Variants in HS6ST3 observed in about 807,000 individuals in gnomAD.
HS6ST3 encodes the protein heparan-sulfate 6-O-sulfotransferase 3.
In HS6ST3, 12 loss-of-function variants were observed where a neutral mutation model predicts 36.7. The ratio of observed to expected loss-of-function variants is 0.33; its 90% CI spans 0.21 to 0.53. The LOEUF is 0.53. Ranked by LOEUF, HS6ST3 falls within the 20% of genes least tolerant of loss-of-function variation. The probability of loss-of-function intolerance (pLI) is 0.95; values close to 1 mark genes in which losing one functional copy is unlikely to be tolerated. For missense variants in HS6ST3, 584 were observed against 640.9 expected, an observed-to-expected ratio of 0.91 and a Z score of 0.96; for synonymous variants, 240 against 257.5, an observed-to-expected ratio of 0.93 and a Z score of 0.65.
chr13:96,816,467 C>G (rs1239957784), intron 1 of HS6ST3, among the ~76,000 whole-genome samples: 1 of 152,220 alleles, frequency 6.6e-6, no homozygotes. Flanking sequence ...GAACATGTCT[C>G]TTGGGAGCCT....
intron 1 of HS6ST3, among the ~76,000 whole-genome samples, chr13:96,665,966 C>T (rs1029861436): frequency 3.4e-4 from 52 of 151,962 alleles, no homozygotes; most frequent in Admixed American, 8.5e-4. Flanking sequence ...TACCATGATA[C>T]GAATACATAG....
At chr13:96,731,685 G>A (rs1876158164) in intron 1 of HS6ST3, among the ~76,000 whole-genome samples, 1 of 151,664 alleles carries the variant, frequency 6.6e-6, no homozygotes, top group South Asian at 2.1e-4. Flanking sequence ...TTGAGATGGG[G>A]TCTTGCTCTG....
rs531281009 is a variant in HS6ST3 at position 96,318,683 on chromosome 13, A to G, written c.707+227114A>G. ...ATTACTTGTTTTTTTTGGCCTTGTC[A>G]AAGATCAGATGGTTGTAAATGTGTG... On this transcript the variant is annotated intron_variant, in intron 1 of 1. Transcript: ENST00000376705. Among the ~76,000 whole-genome samples the G allele has an allele frequency of 3.9e-5, 6 of 152,114 alleles. No individual in the cohort carries two copies. The South Asian group carries it at 1.2e-3, about 32-fold the overall frequency.
intron 1 of HS6ST3, among the ~76,000 whole-genome samples, chr13:96,190,674 A>G (rs1402013669): frequency 6.6e-6 from 1 of 152,206 alleles, no homozygotes; most frequent in African/African-American, 2.4e-5. Flanking sequence ...CTAAGCAGGT[A>G]CCAAATAATA....
intron 1 of HS6ST3, among the ~76,000 whole-genome samples, chr13:96,387,639 T>C (rs181406073): frequency 1.8e-4 from 28 of 152,350 alleles, no homozygotes; most frequent in Admixed American, 1.7e-3. Flanking sequence ...TGTACTTCAT[T>C]ATTCTATACT....
At chr13:96,142,389 A>T (rs1221732449) in intron 1 of HS6ST3, among the ~76,000 whole-genome samples, 1 of 152,196 alleles carries the variant, frequency 6.6e-6, no homozygotes, top group Non-Finnish European at 1.5e-5. Flanking sequence ...TTTCCCAAAG[A>T]ACTAACAATT....
rs145370151 is a variant in HS6ST3, at chr13:96,354,954, T to C, written c.707+263385T>C. Among the ~76,000 whole-genome samples, 440 of 152,206 alleles carry C rather than the reference T, an allele frequency of 2.9e-3. 1 individual carries two copies. Among genetic ancestry groups the C allele is most frequent in the African/African-American group, 0.01 (419 of 41,540 alleles). On this transcript the variant is annotated intron_variant, in intron 1 of 1. Coordinates refer to ENST00000376705, the MANE Select transcript of HS6ST3 (RefSeq NM_153456.4). ...TAAATTATATTTCCCATAGAAAATA[T>C]CAAAATCCACTTAAAATGAAATTCC... is the stretch of plus-strand genomic sequence containing the variant.
At chr13:96,215,064 G>A (rs1177156685) in intron 1 of HS6ST3, among the ~76,000 whole-genome samples, 1 of 152,154 alleles carries the variant, frequency 6.6e-6, no homozygotes, top group Non-Finnish European at 1.5e-5. Flanking sequence ...AACCACAGGG[G>A]TGTTTAGAAA....
At chr13:96,612,367 T>C (rs2056459855) in intron 1 of HS6ST3, among the ~76,000 whole-genome samples, 1 of 152,088 alleles carries the variant, frequency 6.6e-6, no homozygotes, top group East Asian at 1.9e-4. Context: ...GTAGCTTCTA[T>C]GTCTTCACCA....
chr13:96,662,571 C>A (rs2056650228), intron 1 of HS6ST3, among the ~76,000 whole-genome samples: 1 of 150,630 alleles, frequency 6.6e-6, no homozygotes, highest in Admixed American at 6.7e-5. Flanking sequence ...TCTCTTGGAT[C>A]TCATTGAACT....
chr13:96,372,843 T>C (rs1254284627), intron 1 of HS6ST3, among the ~76,000 whole-genome samples: 1 of 152,212 alleles, frequency 6.6e-6, no homozygotes. Flanking sequence ...AAATTTCATT[T>C]ATTGTGCTCT....
At chr13:96,211,960 G>C (rs183566745) in intron 1 of HS6ST3, among the ~76,000 whole-genome samples, 2 of 152,282 alleles carry the variant, frequency 1.3e-5, no homozygotes, top group East Asian at 3.9e-4. Flanking sequence ...TCTTGCCATC[G>C]TAGAGCACAC....
At chr13:96,171,459 T>G (rs2054187347) in intron 1 of HS6ST3, among the ~76,000 whole-genome samples, 1 of 152,202 alleles carries the variant, frequency 6.6e-6, no homozygotes, top group Admixed American at 6.5e-5. Context: ...GTGTCCAGGA[T>G]GCTTGCTCAG....
chr13:96,585,810 C>T lies in HS6ST3; in HGVS notation c.708-246680C>T, dbSNP rs573315112. On this transcript the variant is annotated intron_variant, in intron 1 of 1. Coordinates refer to ENST00000376705, the MANE Select transcript of HS6ST3 (RefSeq NM_153456.4). ...ATATATTTTATGGTTGACTAGTGTT[C>T]CACTGTGTATATATACCACATTTTC... is the stretch of plus-strand genomic sequence containing the variant. Among the ~76,000 whole-genome samples the T allele has an allele frequency of 4.6e-5, 7 of 152,312 alleles. No homozygotes were observed. The South Asian group carries it at 1.0e-3, about 23-fold the overall frequency.
At chr13:96,688,028 G>C (rs1874832582) in intron 1 of HS6ST3, among the ~76,000 whole-genome samples, 1 of 113,938 alleles carries the variant, frequency 8.8e-6, no homozygotes, top group Admixed American at 1.0e-4. Context: ...GAGAACACTT[G>C]GACACAGGAA....
chr13:96,361,196 CT>C (rs1410167350), intron 1 of HS6ST3, among the ~76,000 whole-genome samples: 1 of 152,138 alleles, frequency 6.6e-6, no homozygotes, highest in African/African-American at 2.4e-5. Flanking sequence ...CACGGGCACA[CT>C]TTTATCCCCA....
intron 1 of HS6ST3, among the ~76,000 whole-genome samples, chr13:96,419,336 T>C (rs556752209): frequency 4.6e-5 from 7 of 152,224 alleles, no homozygotes; most frequent in Admixed American, 1.3e-4. Flanking sequence ...AGGGGGGAAG[T>C]AGAATGGCCT....
At chr13:96,579,015 CAATTA>C (rs1289618927) in intron 1 of HS6ST3, among the ~76,000 whole-genome samples, 1 of 152,002 alleles carries the variant, frequency 6.6e-6, no homozygotes, top group Non-Finnish European at 1.5e-5. Context: ...AGAGTTTGCA[CAATTA>C]AATTATTTCC....
intron 1 of HS6ST3, among the ~76,000 whole-genome samples, chr13:96,119,903 T>C (rs2053917316): frequency 6.6e-6 from 1 of 151,300 alleles, no homozygotes; most frequent in Non-Finnish European, 1.5e-5. Flanking sequence ...AACTGTGCTC[T>C]ACCCTAGGGG....
Sources: gnomAD v4.1 joint callset for allele counts (sites outside exome capture counted in the v4.1 genomes callset) on GRCh38, gnomAD v4.1.1 for gene constraint, MANE v1.5 for transcripts, NCBI Gene and HGNC (gene_info 2026-07-23, HGNC 2026-07-21) for gene names.